TEX14: variants seen among roughly 807,000 people sequenced by gnomAD.
TEX14 encodes the protein testis expressed 14, intercellular bridge forming factor.
TEX14 carries 168 observed loss-of-function variants against 178.6 expected under a neutral mutation model. The observed-to-expected ratio is 0.94, with a 90% confidence interval of 0.83 to 1.07. The LOEUF (loss-of-function observed/expected upper bound fraction) is 1.07. Ranked by LOEUF, TEX14 falls within the 50% of genes least tolerant of loss-of-function variation. The pLI, the probability that TEX14 is intolerant of heterozygous loss-of-function variation, is 0.00. For synonymous variants in TEX14, 626 were observed against 634.1 expected (o/e 0.99, Z 0.19); for missense variants, 1,730 against 1,753.6 (o/e 0.99, Z 0.24).
chr17:58,573,966 T>C (rs993010536), intron 22 of TEX14, among the ~76,000 whole-genome samples: 1 of 152,192 alleles, frequency 6.6e-6, no homozygotes, highest in Non-Finnish European at 1.5e-5. Context: ...CTTATTATTA[T>C]TATGATTATT....
At chr17:58,591,626 A>C (rs1358080986) in intron 15 of TEX14, among the ~76,000 whole-genome samples, 1 of 152,086 alleles carries the variant, frequency 6.6e-6, no homozygotes, top group Admixed American at 6.6e-5. Context: ...ATTAGTCTCA[A>C]TCACCACTAG....
intron 1 of TEX14, among the ~76,000 whole-genome samples, chr17:58,678,318 T>C (rs1285633339): frequency 1.3e-5 from 2 of 152,158 alleles, no homozygotes; most frequent in Non-Finnish European, 2.9e-5. Context: ...AGCAATCCCA[T>C]TACTGGGTAT....
rs35953337 is a variant in TEX14, at chr17:58,677,119, CAA to C, written c.-2+14818_-2+14819del. Reference sequence around the variant, plus strand: ...GGGCAACAAGAGGGAAACTCCGTCTCAAAAAAAAAAAAAAAAAAAAAATTAGC... The same window carrying C: ...GGGCAACAAGAGGGAAACTCCGTCTCAAAAAAAAAAAAAAAAAAAATTAGC... On this transcript the variant is annotated intron_variant, in intron 1 of 31. Transcript: ENST00000349033. Among the ~76,000 whole-genome samples, 374 of 78,582 alleles carry C rather than the reference CAA, an allele frequency of 4.8e-3. 2 individuals carry two copies. Among genetic ancestry groups the C allele is most frequent in the African/African-American group, 0.015 (331 of 21,498 alleles). 51.6% of individuals were successfully genotyped at this position (78,582 alleles called of 152,430 possible).
chr17:58,676,228 T>C (rs2047392333), intron 1 of TEX14, among the ~76,000 whole-genome samples: 1 of 152,014 alleles, frequency 6.6e-6, no homozygotes, highest in Non-Finnish European at 1.5e-5. Context: ...ATAAGAAAAT[T>C]AGCCAGGCGT....
At chr17:58,588,753 C>T (rs1005847321) in intron 15 of TEX14, among the ~76,000 whole-genome samples, 15 of 152,078 alleles carry the variant, frequency 9.9e-5, no homozygotes, top group African/African-American at 4.8e-5. Flanking sequence ...AACATAAAGG[C>T]GTCTTTTTTT....
intron 1 of TEX14, among the ~76,000 whole-genome samples, chr17:58,676,485 G>C (rs879565353): frequency 6.6e-5 from 10 of 151,630 alleles, no homozygotes; most frequent in Admixed American, 2.0e-4. Flanking sequence ...ACTTGAACCT[G>C]GGAGGCAGAG....
chr17:58,659,354 A>G (rs771173380), intron 1 of TEX14: 34 of 982,318 alleles, frequency 3.5e-5, no homozygotes, highest in African/African-American at 5.2e-5. Flanking sequence ...AACACACAAC[A>G]TACTCATGGC....
Position 58,577,371 on chromosome 17 carries a change from A to C in TEX14, c.3320+4T>G. The C allele has an allele frequency of 7.4e-7, 1 of 1,350,678 alleles. No homozygotes were observed. Among genetic ancestry groups the C allele is most frequent in the Non-Finnish European group, 1.0e-6 (1 of 997,546 alleles). 83.7% of individuals were successfully genotyped at this position (1,350,678 alleles called of 1,614,324 possible). On this transcript the variant is annotated splice_donor_region_variant and intron_variant, in intron 21 of 31. Coordinates refer to ENST00000349033, the MANE Select transcript of TEX14 (RefSeq NM_031272.5). ...AAACTGCATAAGATAATAATAGCCCATACCTTCGTACAGGTTGAAATTGAG... is the reference window on the plus strand; with the variant it reads ...AAACTGCATAAGATAATAATAGCCCCTACCTTCGTACAGGTTGAAATTGAG...
At chr17:58,574,070 T>A (rs559776359) in intron 22 of TEX14, 117 bp downstream of exon 22, 8 of 805,516 alleles carry the variant, frequency 9.9e-6, no homozygotes, top group Non-Finnish European at 1.5e-5. Context: ...AGAAGCAGCA[T>A]ACTCACATTA....
chr17:58,643,945 C>G (rs553321202), intron 2 of TEX14, among the ~76,000 whole-genome samples: 1 of 150,480 alleles, frequency 6.6e-6, no homozygotes, highest in Non-Finnish European at 1.5e-5. Flanking sequence ...TTTTCTCCCC[C>G]GCCCCCCCCA....
At chr17:58,661,820 T>C in intron 1 of TEX14, 1 of 482,854 alleles carries the variant, frequency 2.1e-6, no homozygotes, top group South Asian at 3.9e-5. Context: ...TGTCTCTCTG[T>C]TTCCGTTTCC....
At chr17:58,661,385 T>G in intron 1 of TEX14, 3 of 902,586 alleles carry the variant, frequency 3.3e-6, no homozygotes, top group Admixed American at 1.7e-5. Flanking sequence ...GGAAGTAATC[T>G]CCTCCAAATC....
chr17:58,563,240 C>T (rs541034335), intron 28 of TEX14, among the ~76,000 whole-genome samples: 23 of 152,122 alleles, frequency 1.5e-4, no homozygotes, highest in Non-Finnish European at 2.5e-4. Context: ...AGGAGGTGAG[C>T]TGAAGTAGTT....
At chr17:58,599,704 G>A in intron 13 of TEX14, 38 bp from the exon 14 acceptor site, 1 of 1,533,622 alleles carries the variant, frequency 6.5e-7, no homozygotes, top group Non-Finnish European at 8.9e-7. Context: ...TCATTAAAAT[G>A]AACATATTTG....
At chr17:58,681,721 TA>T (rs2047504166) in intron 1 of TEX14, among the ~76,000 whole-genome samples, 1 of 151,920 alleles carries the variant, frequency 6.6e-6, no homozygotes, top group South Asian at 2.1e-4. Context: ...TGTGCATCTG[TA>T]ATCCCAGCTA....
intron 1 of TEX14, chr17:58,661,180 A>T (rs764822637): frequency 1.2e-6 from 1 of 804,058 alleles, no homozygotes; most frequent in Non-Finnish European, 2.3e-6. Flanking sequence ...AGGTAATAGC[A>T]CCGTGATTTT....
chr17:58,610,089 C>T (rs1473043566), intron 10 of TEX14, among the ~76,000 whole-genome samples: 1 of 152,196 alleles, frequency 6.6e-6, no homozygotes, highest in East Asian at 1.9e-4. Context: ...CTCTGCCTCT[C>T]AAAGCTTGGG....
In TEX14 at chr17:58,601,772, T is replaced by C. The variant is rs759916893; in HGVS notation, c.1678+34A>G. On this transcript the variant is annotated intron_variant, in intron 13 of 31. Transcript: ENST00000349033. ...ATGTGACTCTCAGAACACATTTGTG[T>C]CAAACTAACACAACCTGTGAATTAA... 5 of 1,599,442 alleles carry C rather than the reference T, an allele frequency of 3.1e-6. No individual in the cohort carries two copies. The South Asian group carries it at 5.5e-5, about 18-fold the overall frequency.
rs1177468347 is a variant in TEX14 at position 58,565,742 on chromosome 17, C to A, written c.3964+5G>T. 1.9e-6 allele frequency: 3 copies of A among 1,602,140 alleles called. No homozygotes were observed. The highest frequency in any genetic ancestry group is 2.6e-6 in the Non-Finnish European group (3 of 1,172,434). ...TGATGAAAACAATCTAGGTAGTTCA[C>A]TTACCATTTGCAGTGCCTCCTCCAT... On this transcript the variant is annotated splice_donor_5th_base_variant and intron_variant, in intron 27 of 31. Coordinates refer to ENST00000349033, the MANE Select transcript of TEX14 (RefSeq NM_031272.5).
Sources: allele counts gnomAD v4.1 joint callset (sites outside exome capture counted in the v4.1 genomes callset), GRCh38; gene constraint gnomAD v4.1.1; transcripts MANE v1.5; gene names NCBI Gene and HGNC (gene_info 2026-07-23, HGNC 2026-07-21).